The following NDUFAF6 variants were observed in gnomAD, a reference collection of about 807,000 sequenced individuals.
NDUFAF6 encodes the protein NADH:ubiquinone oxidoreductase complex assembly factor 6, also known as NADH dehydrogenase (ubiquinone) complex I, assembly factor 6.
In NDUFAF6, 45 loss-of-function variants were observed where a neutral mutation model predicts 40.8. That is an observed-to-expected ratio of 1.10 (90% CI 0.87 to 1.42). The LOEUF (loss-of-function observed/expected upper bound fraction) is 1.42. Among genes scored for constraint, NDUFAF6 ranks in the 40% most tolerant of loss-of-function variants. The probability of loss-of-function intolerance (pLI) is 0.00; values close to 1 mark genes in which losing one functional copy is unlikely to be tolerated. For missense variants in NDUFAF6, 435 were observed against 418.5 expected (o/e 1.04, Z -0.34); for synonymous variants, 185 against 155.9 (o/e 1.19, Z -1.39).
At chr8:94,915,320 A>G (rs1050491704) in intron 1 of NDUFAF6, among the ~76,000 whole-genome samples, 1 of 152,008 alleles carries the variant, frequency 6.6e-6, no homozygotes, top group Non-Finnish European at 1.5e-5. Flanking sequence ...AACACCTGAT[A>G]CTTGGTTTTC....
intron 8 of NDUFAF6, among the ~76,000 whole-genome samples, chr8:95,053,618 T>A (rs1443364075): frequency 1.3e-5 from 2 of 151,550 alleles, no homozygotes; most frequent in African/African-American, 2.4e-5. Context: ...TTTACTTTTC[T>A]TTCTTTTTCT....
chr8:95,024,131 C>T (rs758127827), upstream of NDUFAF6, among the ~76,000 whole-genome samples: 2 of 152,220 alleles, frequency 1.3e-5, no homozygotes, highest in Non-Finnish European at 2.9e-5. Flanking sequence ...CCATGCTGGA[C>T]CTTGGAGGCC....
chr8:95,070,500 G>C (rs1422945972), intron 9 of NDUFAF6, among the ~76,000 whole-genome samples: 1 of 152,048 alleles, frequency 6.6e-6, no homozygotes, highest in East Asian at 1.9e-4. Context: ...AAGATTTCAG[G>C]TTATCAAACA....
chr8:95,062,861 T>C (rs2132016784), downstream of NDUFAF6, among the ~76,000 whole-genome samples: 1 of 152,322 alleles, frequency 6.6e-6, no homozygotes, highest in Admixed American at 6.5e-5. Context: ...ATGAACATGC[T>C]GTAGTATAAT....
At chr8:94,948,751 CGGA>C (rs1361118806) in intron 2 of NDUFAF6, among the ~76,000 whole-genome samples, 4 of 152,096 alleles carry the variant, frequency 2.6e-5, no homozygotes, top group East Asian at 3.9e-4. Context: ...CGAGAGCAGG[CGGA>C]GGAGGAGGAG....
chr8:94,978,357 G>T (rs1012867655), intron 1 of NDUFAF6, among the ~76,000 whole-genome samples: 2 of 152,106 alleles, frequency 1.3e-5, no homozygotes, highest in Non-Finnish European at 2.9e-5. Context: ...GACACTTTTG[G>T]ACTCACTCTA....
chr8:94,969,765 A>G (rs778405784), intron 1 of NDUFAF6, among the ~76,000 whole-genome samples: 31 of 152,228 alleles, frequency 2.0e-4, no homozygotes, highest in Admixed American at 5.9e-4. Flanking sequence ...AAAGAGGTAA[A>G]TTGTTTTCAG....
intron 1 of NDUFAF6, among the ~76,000 whole-genome samples, chr8:94,963,572 G>C (rs560414115): frequency 6.6e-6 from 1 of 152,328 alleles, no homozygotes; most frequent in Admixed American, 6.5e-5. Context: ...CTACCCTTGA[G>C]GGCCAGAGGC....
intron 2 of NDUFAF6, among the ~76,000 whole-genome samples, chr8:95,003,886 T>A (rs1826845879): frequency 6.6e-6 from 1 of 152,232 alleles, no homozygotes; most frequent in Admixed American, 6.5e-5. Flanking sequence ...TAAATTGGGA[T>A]AATTAATGCT....
In NDUFAF6 at chr8:95,057,968, G is replaced by A. The variant is rs764970114; in HGVS notation, c.*31G>A. 2 of 1,504,986 alleles carry A rather than the reference G, an allele frequency of 1.3e-6. No homozygotes were observed. Among genetic ancestry groups the A allele is most frequent in the Admixed American group, 3.4e-5 (2 of 58,096 alleles). The allele number at this position is 1,504,986 out of a possible 1,614,324, so 93.2% of individuals were successfully genotyped here. A position where few individuals can be genotyped will look rare whatever the true frequency, so the allele number is the denominator to read the frequency against. ...TTTCATGGCATTGATGTTAATTCTA[G>A]TCTATTAGTTTTATAAAAGTTAGGA... On this transcript the variant is annotated 3_prime_UTR_variant, in exon 9 of 9. Coordinates refer to ENST00000396124, the MANE Select transcript of NDUFAF6 (RefSeq NM_152416.4).
chr8:94,913,577 G>A (rs1391343352), intron 1 of NDUFAF6, among the ~76,000 whole-genome samples: 3 of 152,158 alleles, frequency 2.0e-5, no homozygotes, highest in Non-Finnish European at 2.9e-5. Context: ...CAGTAGGATC[G>A]CTTGAGGCCA....
intron 2 of NDUFAF6, among the ~76,000 whole-genome samples, chr8:95,088,713 GTGTGTGTGTGTGTGTTTTCTTTT>G (rs1226992471): frequency 8.9e-5 from 9 of 101,038 alleles, no homozygotes; most frequent in East Asian, 3.5e-4. Context: ...GTGTGTGTGT[GTGTGTGTGTGTGTGTTTTCTTTT>G]TGTTTTCTTG....
intron 2 of NDUFAF6, among the ~76,000 whole-genome samples, chr8:95,000,949 C>T (rs1407133148): frequency 1.3e-5 from 2 of 150,210 alleles, no homozygotes; most frequent in Non-Finnish European, 3.0e-5. Flanking sequence ...AATTGCTTCC[C>T]CTTACTTTTT....
chr8:95,036,328 C>G, intron 3 of NDUFAF6: 1 of 1,287,336 alleles, frequency 7.8e-7, no homozygotes, highest in Non-Finnish European at 1.0e-6. Context: ...GTTTCTGTAA[C>G]AGGAGCCACC....
chr8:94,909,841 T>C (rs560688069), intron 1 of NDUFAF6, among the ~76,000 whole-genome samples: 20 of 150,752 alleles, frequency 1.3e-4, no homozygotes, highest in Non-Finnish European at 2.7e-4. Flanking sequence ...TATATATATA[T>C]AAAAGAATTA....
chr8:95,076,650 G>A (rs1174647413), downstream of NDUFAF6, among the ~76,000 whole-genome samples: 1 of 152,106 alleles, frequency 6.6e-6, no homozygotes, highest in African/African-American at 2.4e-5. Flanking sequence ...GAGGCAGGTG[G>A]ATCACCTGAG....
upstream of NDUFAF6, among the ~76,000 whole-genome samples, chr8:95,022,437 G>T (rs1827727812): frequency 6.6e-6 from 1 of 151,652 alleles, no homozygotes; most frequent in South Asian, 2.1e-4. Flanking sequence ...GAACACTATA[G>T]ACACAAAGTA....
intron 5 of NDUFAF6, among the ~76,000 whole-genome samples, chr8:95,116,109 G>T (rs970758210): frequency 2.6e-5 from 4 of 152,074 alleles, no homozygotes; most frequent in Non-Finnish European, 4.4e-5. Context: ...CTGCACTCCA[G>T]CCTGGGCGAA....
At chr8:94,901,211 G>C (rs529142552) in intron 1 of NDUFAF6, among the ~76,000 whole-genome samples, 1 of 152,134 alleles carries the variant, frequency 6.6e-6, no homozygotes, top group Admixed American at 6.5e-5. Context: ...TGGCTGGAAC[G>C]TAGTGAGCAA....
Sources: gnomAD v4.1 joint callset for allele counts (sites outside exome capture counted in the v4.1 genomes callset) on GRCh38, gnomAD v4.1.1 for gene constraint, MANE v1.5 for transcripts, NCBI Gene and HGNC (gene_info 2026-07-23, HGNC 2026-07-21) for gene names.